TPO: variants seen among roughly 807,000 people sequenced by gnomAD.
The protein encoded by TPO is thyroid peroxidase.
TPO carries 78 observed loss-of-function variants against 96.9 expected under a neutral mutation model. The ratio of observed to expected loss-of-function variants is 0.81; its 90% CI spans 0.67 to 0.97. The LOEUF is 0.97. Ranked by LOEUF, TPO falls within the 50% of genes least tolerant of loss-of-function variation. The probability of loss-of-function intolerance (pLI) is 0.00; values close to 1 mark genes in which losing one functional copy is unlikely to be tolerated. For synonymous variants in TPO, 547 were observed against 538.0 expected, an observed-to-expected ratio of 1.02 and a Z score of -0.23; for missense variants, 1,252 against 1,274.8, an observed-to-expected ratio of 0.98 and a Z score of 0.27.
intron 7 of TPO, among the ~76,000 whole-genome samples, chr2:1,467,070 C>T (rs560177409): frequency 1.3e-5 from 2 of 151,670 alleles, no homozygotes; most frequent in East Asian, 3.9e-4. Context: ...CTAGAGGTTT[C>T]GATAGGTTGT....
chr2:1,409,486 G>A (rs1380139489), upstream of TPO, among the ~76,000 whole-genome samples: 4 of 152,070 alleles, frequency 2.6e-5, no homozygotes, highest in African/African-American at 9.7e-5. Flanking sequence ...GCTGTAATAA[G>A]AGTTGGAAGA....
chr2:1,423,646 A>T (rs1384658051), intron 3 of TPO, among the ~76,000 whole-genome samples: 1 of 152,180 alleles, frequency 6.6e-6, no homozygotes, highest in East Asian at 1.9e-4. Context: ...AAAACAAAAA[A>T]CAAAAAACCT....
intron 15 of TPO, among the ~76,000 whole-genome samples, chr2:1,523,212 AT>A (rs1361500472): frequency 1.9e-5 from 1 of 53,250 alleles, no homozygotes; most frequent in Admixed American, 2.6e-4. Flanking sequence ...AACCTCCCAA[AT>A]CCCCCCACTT....
intron 8 of TPO, chr2:1,478,149 C>G: frequency 1.0e-6 from 1 of 985,036 alleles, no homozygotes; most frequent in South Asian, 4.7e-5. Context: ...TATTTGAAAC[C>G]TTTCTTCATT....
chr2:1,480,607 A>ACACACACACACACAC (rs1670467616), intron 8 of TPO, among the ~76,000 whole-genome samples: 1 of 57,908 alleles, frequency 1.7e-5, no homozygotes, highest in Non-Finnish European at 3.2e-5. Context: ...CACACACACG[A>ACACACACACACACAC]GCCAGCCAGG....
At chr2:1,400,470 G>A (rs1336588527) in intron 1 of TPO, among the ~76,000 whole-genome samples, 1 of 149,678 alleles carries the variant, frequency 6.7e-6, no homozygotes, top group Non-Finnish European at 1.5e-5. Flanking sequence ...TTCAGTCTGG[G>A]TAAAGAGCTG....
intron 1 of TPO, among the ~76,000 whole-genome samples, chr2:1,384,029 G>A (rs185559981): frequency 6.6e-6 from 1 of 152,274 alleles, no homozygotes; most frequent in East Asian, 1.9e-4. Flanking sequence ...GATAGTTGTA[G>A]ATGTGTGGCA....
At position 1,478,371 on chromosome 2, in the gene TPO, A is replaced by G. The variant is rs1057514026; in HGVS notation, c.1338+767A>G. On this transcript the variant is annotated intron_variant, in intron 8 of 16. Transcript: ENST00000329066. ...CACCAGGCCCTGTGGCGGCCTGGGC[A>G]TCGTGTCTGCAGTCCTAGCCGGGAG... 33 of 985,436 alleles carry G rather than the reference A, an allele frequency of 3.3e-5. No homozygotes were observed. In the African/African-American group the frequency reaches 5.6e-4, roughly 17 times the overall value. The allele number at this position is 985,436 out of a possible 1,614,324, so 61.0% of individuals were successfully genotyped here. A position where few individuals can be genotyped will look rare whatever the true frequency, so the allele number is the denominator to read the frequency against.
rs755080955 is a variant in TPO, at chr2:1,540,690, ACCGCAGCGGG to A, written c.2723_2732del (p.Arg908LeufsTer63). 3 of 1,612,894 alleles carry A rather than the reference ACCGCAGCGGG, an allele frequency of 1.9e-6. No individual in the cohort carries two copies. The highest frequency in any genetic ancestry group is 1.6e-4 in the Middle Eastern group (1 of 6,062). Reference sequence around the variant, plus strand: ...GAAAGCACCAGGCCGTAGGGACCTCACCGCAGCGGGCCGCAGCTCAGGACTCGGAGCAGGT... The same window carrying A: ...GAAAGCACCAGGCCGTAGGGACCTCACCGCAGCTCAGGACTCGGAGCAGGT... On this transcript the variant is annotated frameshift_variant, in exon 16 of 17. Coordinates refer to ENST00000329066, the MANE Select transcript of TPO (RefSeq NM_001206744.2). LOFTEE classifies it low-confidence loss of function (END_TRUNC).
intron 10 of TPO, among the ~76,000 whole-genome samples, chr2:1,493,209 T>TGGGGGGGGGGGGGGGGGGG (rs3036079): frequency 1.1e-4 from 2 of 17,492 alleles, no homozygotes. Context: ...TGTGAGTGGG[T>TGGGGGGGGGGGGGGGGGGG]GGGGGGGGGG....
intron 1 of TPO, among the ~76,000 whole-genome samples, chr2:1,399,617 T>C (rs942899949): frequency 4.6e-5 from 7 of 152,246 alleles, no homozygotes; most frequent in African/African-American, 1.7e-4. Context: ...CACAGGGAAC[T>C]GAAACTGCAG....
chr2:1,405,185 TCATC>T (rs1662231180), intron 1 of TPO, among the ~76,000 whole-genome samples: 1 of 148,184 alleles, frequency 6.7e-6, no homozygotes, highest in African/African-American at 2.5e-5. Context: ...ATCCACCCAT[TCATC>T]CATCCATTCA....
intron 1 of TPO, among the ~76,000 whole-genome samples, chr2:1,384,769 A>C (rs1372799117): frequency 6.6e-6 from 1 of 152,134 alleles, no homozygotes; most frequent in Non-Finnish European, 1.5e-5. Flanking sequence ...GTGGTGAGAG[A>C]GGGCATCCCT....
At chr2:1,511,769 C>A (rs1034551329) in intron 14 of TPO, among the ~76,000 whole-genome samples, 1 of 152,314 alleles carries the variant, frequency 6.6e-6, no homozygotes, top group East Asian at 1.9e-4. Flanking sequence ...ACTGCAATTA[C>A]CTCCTCAAAT....
At chr2:1,414,348 C>T (rs28909988) in intron 1 of TPO, 60 bp from the exon 2 acceptor site, 71 of 1,489,138 alleles carry the variant, frequency 4.8e-5, no homozygotes, top group Middle Eastern at 4.0e-4. Flanking sequence ...AAGGACACAG[C>T]GGTTCCCATG....
intron 16 of TPO, 104 bp downstream of exon 16, chr2:1,540,827 CTCCGTGTTTCCTAG>C: frequency 6.3e-7 from 1 of 1,594,494 alleles, no homozygotes; most frequent in Admixed American, 1.8e-5. Context: ...TTTCTGTTTA[CTCCGTGTTTCCTAG>C]TCCGTTCTGC....
intron 15 of TPO, among the ~76,000 whole-genome samples, chr2:1,523,503 C>T (rs1162455068): frequency 8.2e-4 from 56 of 68,160 alleles, no homozygotes; most frequent in Non-Finnish European, 1.2e-3. Flanking sequence ...CAAATCCCCC[C>T]GACTCTATGC....
chr2:1,519,414 A>G (rs1675026482), intron 15 of TPO, among the ~76,000 whole-genome samples: 1 of 152,184 alleles, frequency 6.6e-6, no homozygotes, highest in South Asian at 2.1e-4. Flanking sequence ...TCCACATGCC[A>G]GGGCTGTTGT....
intron 1 of TPO, among the ~76,000 whole-genome samples, chr2:1,388,083 AG>A (rs1312858585): frequency 1.3e-5 from 2 of 152,136 alleles, no homozygotes. Flanking sequence ...TTCGTCTCAG[AG>A]GGGTACCCGG....
Sources: allele counts gnomAD v4.1 joint callset (sites outside exome capture counted in the v4.1 genomes callset), GRCh38; gene constraint gnomAD v4.1.1; transcripts MANE v1.5; gene names NCBI Gene and HGNC (gene_info 2026-07-23, HGNC 2026-07-21).